The following PARPBP variants were observed in gnomAD, a reference collection of about 807,000 sequenced individuals.
PARPBP encodes the protein PARP1 binding protein, also known as PCNA-interacting partner.
A neutral mutation model predicts 50.0 loss-of-function variants in PARPBP; 52 were observed. That is an observed-to-expected ratio of 1.04 (90% CI 0.83 to 1.31). The LOEUF (loss-of-function observed/expected upper bound fraction) is 1.31, where lower values mean the gene tolerates loss of function less well. Among genes scored for constraint, PARPBP ranks in the 50% most tolerant of loss-of-function variants. The pLI, the probability that PARPBP is intolerant of heterozygous loss-of-function variation, is 0.00. For missense variants in PARPBP, 697 were observed against 672.0 expected, an observed-to-expected ratio of 1.04 and a Z score of -0.41; for synonymous variants, 244 against 232.1, an observed-to-expected ratio of 1.05 and a Z score of -0.47.
At chr12:102,192,904 T>A (rs560167661) in intron 9 of PARPBP, among the ~76,000 whole-genome samples, 8 of 151,944 alleles carry the variant, frequency 5.3e-5, no homozygotes, top group African/African-American at 1.9e-4. Flanking sequence ...CTGCATATAA[T>A]CCTTTATGAA....
chr12:102,160,961 T>A (rs532410291), intron 4 of PARPBP, among the ~76,000 whole-genome samples: 33 of 149,368 alleles, frequency 2.2e-4, no homozygotes, highest in African/African-American at 5.0e-4. Context: ...AAAAAAAAAA[T>A]ATATATATAA....
rs184297169 is a variant in PARPBP, at chr12:102,142,879, G to C, written c.154-5351G>C. ...TTTCGTCTCAGAGGGACACCCGGCC[G>C]TATGAGGTGTCAGTCGGCCCCTACT... On this transcript the variant is annotated intron_variant, in intron 2 of 10. Coordinates refer to ENST00000327680, the MANE Select transcript of PARPBP (RefSeq NM_017915.5). 6.9e-3 allele frequency among the ~76,000 whole-genome samples: 1,053 copies of C among 152,316 alleles called. 8 individuals are homozygous for C. Among genetic ancestry groups the C allele is most frequent in the Middle Eastern group, 0.014 (4 of 294 alleles).
At chr12:102,191,298 A>T (rs890532125) in intron 9 of PARPBP, among the ~76,000 whole-genome samples, 1 of 152,322 alleles carries the variant, frequency 6.6e-6, no homozygotes, top group East Asian at 1.9e-4. Flanking sequence ...TAGGTCAAAA[A>T]GATTTTTTTC....
intron 2 of PARPBP, among the ~76,000 whole-genome samples, chr12:102,139,311 T>G (rs536633792): frequency 6.6e-6 from 1 of 152,358 alleles, no homozygotes; most frequent in South Asian, 2.1e-4. Flanking sequence ...ATAAGAATGC[T>G]TGTGAGTTTT....
At position 102,146,149 on chromosome 12, in the gene PARPBP, T is replaced by C. The variant is rs1030315836; in HGVS notation, c.154-2081T>C. 6.6e-5 allele frequency among the ~76,000 whole-genome samples: 10 copies of C among 152,256 alleles called. No individual in the cohort carries two copies. The South Asian group carries it at 8.3e-4, about 13-fold the overall frequency. ...AAAATGGCCATACTGCCCAAGGTAATTTATAGATTCAATGCCATCCCCATC... is the reference window on the plus strand; with the variant it reads ...AAAATGGCCATACTGCCCAAGGTAACTTATAGATTCAATGCCATCCCCATC... On this transcript the variant is annotated intron_variant, in intron 2 of 10. Coordinates refer to ENST00000327680, the MANE Select transcript of PARPBP (RefSeq NM_017915.5).
intron 8 of PARPBP, among the ~76,000 whole-genome samples, chr12:102,181,006 TAAGGTATTCAAGTTGGTCTGA>T: frequency 6.6e-6 from 1 of 152,178 alleles, no homozygotes; most frequent in Non-Finnish European, 1.5e-5. Context: ...ATTAATTTAT[TAAGGTATTCAAGTTGGTCTGA>T]ATCCAAAACT....
intron 3 of PARPBP, chr12:102,149,034 A>T (rs921634635): frequency 6.6e-6 from 1 of 152,184 alleles, no homozygotes; most frequent in Admixed American, 6.5e-5. Flanking sequence ...GTTAGAATTT[A>T]TAAACTGTTT....
intron 4 of PARPBP, among the ~76,000 whole-genome samples, chr12:102,162,940 G>T (rs1314880721): frequency 1.3e-5 from 2 of 152,072 alleles, no homozygotes; most frequent in African/African-American, 4.8e-5. Flanking sequence ...TCCAGGTCAT[G>T]AAGATTTTCT....
In PARPBP at chr12:102,197,320, A is replaced by G; in HGVS notation, c.*1029A>G. 1 of 836,112 alleles carries G rather than the reference A, an allele frequency of 1.2e-6. No individual in the cohort carries two copies. The allele number at this position is 836,112 out of a possible 1,614,324, so 51.8% of individuals were successfully genotyped here. A position where few individuals can be genotyped will look rare whatever the true frequency, so the allele number is the denominator to read the frequency against. On this transcript the variant is annotated 3_prime_UTR_variant, in exon 11 of 11. Coordinates refer to ENST00000327680, the MANE Select transcript of PARPBP (RefSeq NM_017915.5). ...TACCTTAGATGCAAATTTATAGGAG[A>G]AAAAACACTTTCAGATAAGAGGTGT...
chr12:102,135,093 G>C (rs1463716151), intron 2 of PARPBP, among the ~76,000 whole-genome samples: 1 of 151,980 alleles, frequency 6.6e-6, no homozygotes, highest in Non-Finnish European at 1.5e-5. Flanking sequence ...TTTTTGGCTG[G>C]GCCTGAGAAT....
chr12:102,197,058 C>T lies in PARPBP; in HGVS notation c.*767C>T. On this transcript the variant is annotated 3_prime_UTR_variant, in exon 11 of 11. Transcript: ENST00000327680. Reference sequence around the variant, plus strand: ...TCTTTTCTTGTGTTGATTCAGTATTCTGAACTCCATTCTCAGCTGGGAAAG... The same window carrying T: ...TCTTTTCTTGTGTTGATTCAGTATTTTGAACTCCATTCTCAGCTGGGAAAG... 1 of 1,612,134 alleles carries T rather than the reference C, an allele frequency of 6.2e-7. No homozygotes were observed. The highest frequency in any genetic ancestry group is 1.7e-4 in the Middle Eastern group (1 of 6,050).
chr12:102,125,277 G>A (rs964617818), intron 2 of PARPBP, among the ~76,000 whole-genome samples: 1 of 152,058 alleles, frequency 6.6e-6, no homozygotes, highest in Non-Finnish European at 1.5e-5. Flanking sequence ...TAGTCTTTTA[G>A]GACATAATAA....
chr12:102,181,083 CTA>C (rs1487655969), intron 8 of PARPBP, among the ~76,000 whole-genome samples: 1 of 152,114 alleles, frequency 6.6e-6, no homozygotes, highest in Non-Finnish European at 1.5e-5. Flanking sequence ...CCTCCTATTT[CTA>C]TGTTTTTCTC....
chr12:102,148,429 C>T lies in PARPBP; in HGVS notation c.353C>T (p.Thr118Ile). ...IDVYQKCRAL[T>I]SNCENYNTVS... Reference sequence around the variant, plus strand: ...GTTTATCAAAAATGTAGGGCTTTGACTTCTAATTGTGAAAATTATAACACA... The same window carrying T: ...GTTTATCAAAAATGTAGGGCTTTGATTTCTAATTGTGAAAATTATAACACA... Residue 118 changes from threonine to isoleucine, a missense_variant, in exon 3 of 11, where the codon ACT (threonine) becomes ATT (isoleucine). Physicochemically the swap from Thr to Ile is moderately conservative, Grantham distance 89. Transcript: ENST00000327680. 6.7e-7 allele frequency: 1 copy of T among 1,497,882 alleles called. No homozygotes were observed. The highest frequency in any genetic ancestry group is 1.2e-5 in the South Asian group (1 of 86,720). 92.8% of individuals were successfully genotyped at this position (1,497,882 alleles called of 1,614,324 possible). A position where few individuals can be genotyped will look rare whatever the true frequency, so the allele number is the denominator to read the frequency against.
chr12:102,148,752 G>A (rs1471018608), intron 3 of PARPBP: 11 of 260,434 alleles, frequency 4.2e-5, no homozygotes, highest in Non-Finnish European at 7.9e-5. Flanking sequence ...ATTTCTTTTT[G>A]AATCATGTCA....
At chr12:102,189,663 T>A (rs1263008451) in intron 9 of PARPBP, among the ~76,000 whole-genome samples, 1 of 151,974 alleles carries the variant, frequency 6.6e-6, no homozygotes, top group Non-Finnish European at 1.5e-5. Context: ...TTCAAACAAC[T>A]GATGATGAAA....
At chr12:102,125,131 A>C (rs1047523145) in intron 2 of PARPBP, among the ~76,000 whole-genome samples, 1 of 152,200 alleles carries the variant, frequency 6.6e-6, no homozygotes, top group Non-Finnish European at 1.5e-5. Flanking sequence ...TTATGTAGTC[A>C]GTCATTTTTT....
At chr12:102,173,000 C>A (rs1888902066) in intron 6 of PARPBP, among the ~76,000 whole-genome samples, 1 of 152,172 alleles carries the variant, frequency 6.6e-6, no homozygotes, top group Non-Finnish European at 1.5e-5. Context: ...ACTAGGCCCC[C>A]AGATTGATTC....
At chr12:102,151,208 G>A (rs146582450) in intron 3 of PARPBP, among the ~76,000 whole-genome samples, 4 of 152,226 alleles carry the variant, frequency 2.6e-5, no homozygotes, top group Admixed American at 6.5e-5. Context: ...TTCAAGAATA[G>A]CACCTCAACA....
Sources: gnomAD v4.1 joint callset for allele counts (sites outside exome capture counted in the v4.1 genomes callset) on GRCh38, gnomAD v4.1.1 for gene constraint, MANE v1.5 for transcripts, NCBI Gene and HGNC (gene_info 2026-07-23, HGNC 2026-07-21) for gene names.